The following BFSP2 variants were observed in gnomAD, a reference collection of about 807,000 sequenced individuals.
BFSP2 encodes the protein beaded filament structural protein 2.
A neutral mutation model predicts 44.9 loss-of-function variants in BFSP2; 38 were observed. The observed-to-expected ratio is 0.85, with a 90% CI of 0.65 to 1.11. The LOEUF (loss-of-function observed/expected upper bound fraction) is 1.11, where lower values mean the gene tolerates loss of function less well. Ranked by LOEUF, BFSP2 falls within the 50% of genes least tolerant of loss-of-function variation. The pLI is 0.00. For missense variants in BFSP2, 525 were observed against 533.0 expected (o/e 0.99, Z 0.15); for synonymous variants, 197 against 209.9 (o/e 0.94, Z 0.53).
At chr3:133,404,672 TG>T (rs1185977983) in intron 1 of BFSP2, among the ~76,000 whole-genome samples, 1 of 152,142 alleles carries the variant, frequency 6.6e-6, no homozygotes, top group African/African-American at 2.4e-5. Flanking sequence ...AGTTGAAACA[TG>T]ACAGAAGAAA....
intron 1 of BFSP2, among the ~76,000 whole-genome samples, chr3:133,415,873 G>A (rs1473528816): frequency 7.9e-5 from 4 of 50,682 alleles, no homozygotes; most frequent in South Asian, 1.6e-3. Flanking sequence ...ACTCACCCTC[G>A]CCCTCTTCTC....
intron 1 of BFSP2, among the ~76,000 whole-genome samples, chr3:133,434,448 C>T (rs2073760751): frequency 6.6e-6 from 1 of 152,082 alleles, no homozygotes; most frequent in Admixed American, 6.5e-5. Context: ...CCCATTCTCT[C>T]TCTCCATACC....
intron 1 of BFSP2, among the ~76,000 whole-genome samples, chr3:133,407,290 C>T (rs1052673066): frequency 3.3e-5 from 5 of 152,046 alleles, no homozygotes; most frequent in Non-Finnish European, 5.9e-5. Flanking sequence ...TTTATGATAG[C>T]GTAAGATGAA....
chr3:133,462,740 A>G (rs73211900), intron 4 of BFSP2, among the ~76,000 whole-genome samples: 6,608 of 152,348 alleles, frequency 0.043, 176 homozygotes, highest in Non-Finnish European at 0.07. Flanking sequence ...CTATAACTTC[A>G]GCATGACTTG....
Position 133,433,025 on chromosome 3 carries a change from G to A in BFSP2, c.490-14292G>A, listed in dbSNP as rs538389846. Among the ~76,000 whole-genome samples, 132 of 152,134 alleles carry A rather than the reference G, an allele frequency of 8.7e-4. 1 individual carries two copies. Among genetic ancestry groups the A allele is most frequent in the African/African-American group, 3.0e-3 (125 of 41,500 alleles). On this transcript the variant is annotated intron_variant, in intron 1 of 6. Transcript: ENST00000302334. ...TACATTTCTCATAACTTCCAAAATC[G>A]ATTTTCTTCCTCATACCTGACACAT...
intron 1 of BFSP2, among the ~76,000 whole-genome samples, chr3:133,421,683 T>C (rs1484763080): frequency 1.3e-5 from 2 of 152,384 alleles, no homozygotes; most frequent in East Asian, 3.9e-4. Flanking sequence ...GCTATTGTTC[T>C]TTTCACATTA....
rs111578289 is a variant in BFSP2 at position 133,430,469 on chromosome 3, C to G, written c.490-16848C>G. On this transcript the variant is annotated intron_variant, in intron 1 of 6. Coordinates refer to ENST00000302334, the MANE Select transcript of BFSP2 (RefSeq NM_003571.4). ...CATTCTAACTGGTGTGAGATGGTAT[C>G]TCATTGTGGTTTTGATTTGCATTTC... is the stretch of plus-strand genomic sequence containing the variant. Among the ~76,000 whole-genome samples, 133 of 152,236 alleles carry G rather than the reference C, an allele frequency of 8.7e-4. 1 individual carries two copies. Among genetic ancestry groups the G allele is most frequent in the African/African-American group, 3.1e-3 (127 of 41,526 alleles).
In BFSP2 at chr3:133,450,355, A is replaced by G. The variant is rs1231417002; in HGVS notation, c.782A>G (p.Asp261Gly). 1 of 1,614,188 alleles carries G rather than the reference A, an allele frequency of 6.2e-7. No individual in the cohort carries two copies. Among genetic ancestry groups the G allele is most frequent in the South Asian group, 1.1e-5 (1 of 91,088 alleles). ...QLAGCELEQM[D>G]APIGTGLDDI... Reference sequence around the variant, plus strand: ...GCAGGGTGTGAGCTGGAACAAATGGATGCTCCCATTGGCACTGGTCTGGAC... The same window carrying G: ...GCAGGGTGTGAGCTGGAACAAATGGGTGCTCCCATTGGCACTGGTCTGGAC... Residue 261 changes from aspartate to glycine, a missense_variant, in exon 4 of 7, where the codon GAT becomes GGT. Transcript: ENST00000302334.
At chr3:133,407,000 G>A (rs1265534988) in intron 1 of BFSP2, among the ~76,000 whole-genome samples, 4 of 152,188 alleles carry the variant, frequency 2.6e-5, no homozygotes, top group Non-Finnish European at 4.4e-5. Flanking sequence ...CTTGAGCCTG[G>A]GAGGTTGAGG....
chr3:133,400,710 A>G lies in BFSP2; in HGVS notation c.489+138A>G. On this transcript the variant is annotated intron_variant, in intron 1 of 6. Transcript: ENST00000302334. The surrounding 1 kb of genome is among the most constrained non-coding windows in gnomAD (Gnocchi z 4.0). Reference sequence around the variant, plus strand: ...CACTTTCACACTTAAAATGGTAATGATAACAACAATGCTACCTTTTACCGA... The same window carrying G: ...CACTTTCACACTTAAAATGGTAATGGTAACAACAATGCTACCTTTTACCGA... 7.3e-7 allele frequency: 1 copy of G among 1,371,640 alleles called. No individual in the cohort carries two copies. Among genetic ancestry groups the G allele is most frequent in the Non-Finnish European group, 9.9e-7 (1 of 1,010,228 alleles). 85.0% of individuals were successfully genotyped at this position (1,371,640 alleles called of 1,614,324 possible).
At chr3:133,401,507 C>G (rs1440690204) in intron 1 of BFSP2, among the ~76,000 whole-genome samples, 2 of 152,194 alleles carry the variant, frequency 1.3e-5, no homozygotes, top group South Asian at 2.1e-4. Flanking sequence ...TTGGTCAGCC[C>G]TGCTTTTCCC....
intron 1 of BFSP2, among the ~76,000 whole-genome samples, chr3:133,431,240 A>C (rs1324803208): frequency 6.6e-6 from 1 of 152,226 alleles, no homozygotes; most frequent in Non-Finnish European, 1.5e-5. Flanking sequence ...ACAGGATTTA[A>C]TTAACCTCGC....
Position 133,455,920 on chromosome 3 carries a change from T to G in BFSP2, c.891+5456T>G, listed in dbSNP as rs531154229. 214 of 152,884 alleles carry G rather than the reference T, an allele frequency of 1.4e-3. 2 individuals are homozygous for G. The highest frequency in any genetic ancestry group is 4.1e-3 in the South Asian group (20 of 4,830). The allele number at this position is 152,884 out of a possible 1,614,324, so 9.5% of individuals were successfully genotyped here. On this transcript the variant is annotated intron_variant, in intron 4 of 6. Coordinates refer to ENST00000302334, the MANE Select transcript of BFSP2 (RefSeq NM_003571.4). Reference sequence around the variant, plus strand: ...AAGCTCTGTTTTGCCTTCTTAGCCTTCTTCCTGAGATGCTCCTTCCATTCA... The same window carrying G: ...AAGCTCTGTTTTGCCTTCTTAGCCTGCTTCCTGAGATGCTCCTTCCATTCA...
intron 1 of BFSP2, among the ~76,000 whole-genome samples, chr3:133,425,344 C>T (rs757022364): frequency 3.9e-5 from 6 of 152,274 alleles, no homozygotes; most frequent in Non-Finnish European, 5.9e-5. Context: ...GTGCTGGGCA[C>T]GTGATGGATG....
At chr3:133,441,703 G>A (rs1029864435) in intron 1 of BFSP2, among the ~76,000 whole-genome samples, 1 of 152,124 alleles carries the variant, frequency 6.6e-6, no homozygotes, top group Admixed American at 6.6e-5. Flanking sequence ...ACTGTGCTAG[G>A]GATGGAACAA....
intron 1 of BFSP2, among the ~76,000 whole-genome samples, chr3:133,445,132 T>A (rs1576584072): frequency 6.6e-6 from 1 of 152,274 alleles, no homozygotes; most frequent in South Asian, 2.1e-4. Flanking sequence ...AATGAGTGAA[T>A]AAATAGAAAA....
At chr3:133,423,782 T>C (rs1240913528) in intron 1 of BFSP2, among the ~76,000 whole-genome samples, 1 of 152,190 alleles carries the variant, frequency 6.6e-6, no homozygotes, top group African/African-American at 2.4e-5. Flanking sequence ...GGAACTGTCT[T>C]ACATACCTAG....
chr3:133,457,071 C>A (rs1160805576), intron 4 of BFSP2, among the ~76,000 whole-genome samples: 1 of 152,230 alleles, frequency 6.6e-6, no homozygotes, highest in African/African-American at 2.4e-5. Context: ...TGACTCTAGA[C>A]TACAAGATGA....
intron 1 of BFSP2, among the ~76,000 whole-genome samples, chr3:133,432,714 C>T (rs569448693): frequency 4.3e-4 from 66 of 152,292 alleles, no homozygotes; most frequent in African/African-American, 1.5e-3. Flanking sequence ...TTACCTACCT[C>T]GGCATAATTC....
Sources: gnomAD v4.1 joint callset for allele counts (sites outside exome capture counted in the v4.1 genomes callset) on GRCh38, gnomAD v4.1.1 for gene constraint, Gnocchi (gnomAD v3.1) non-coding constraint, MANE v1.5 for transcripts, NCBI Gene and HGNC (gene_info 2026-07-23, HGNC 2026-07-21) for gene names.